Variants in EVC2 observed in about 807,000 individuals in gnomAD.
EVC2 encodes EvC ciliary complex subunit 2, also known as limbin.
In EVC2, 148 loss-of-function variants were observed where a neutral mutation model predicts 149.3. The ratio of observed to expected loss-of-function variants is 0.99; its 90% CI spans 0.87 to 1.14. The LOEUF is 1.14. Ranked by LOEUF, EVC2 falls within the 50% of genes most tolerant of loss-of-function variation. EVC2 has a pLI of 0.00. For synonymous variants in EVC2, 776 were observed against 649.9 expected (o/e 1.19, Z -2.95); for missense variants, 1,854 against 1,627.3 (o/e 1.14, Z -2.40).
intron 9 of EVC2, among the ~76,000 whole-genome samples, chr4:5,655,628 G>C (rs1718468940): frequency 6.6e-6 from 1 of 152,030 alleles, no homozygotes; most frequent in African/African-American, 2.4e-5. Flanking sequence ...GGTTTGATAT[G>C]GGAAATAGAC....
Position 5,556,132 on chromosome 4 carries a change from T to C in EVC2, c.3419+9126A>G, listed in dbSNP as rs370166258. Among the ~76,000 whole-genome samples the C allele has an allele frequency of 1.6e-4, 20 of 124,558 alleles. No homozygotes were observed. In the East Asian group the frequency reaches 4.4e-3, roughly 27 times the overall value. 81.7% of individuals were successfully genotyped at this position (124,558 alleles called of 152,430 possible). On this transcript the variant is annotated intron_variant and NMD_transcript_variant, in intron 21 of 22. Coordinates refer to the EVC2 transcript ENST00000475313. The stretch of plus-strand genomic sequence containing the variant: ...AGCCAGAGGTTGCAGTGAGCCAAGA[T>C]CGTGCCATTGCACTCTAACCCCAGG...
In EVC2 at chr4:5,685,494, G is replaced by C. The variant is rs1054044655; in HGVS notation, c.707-15C>G. The C allele has an allele frequency of 6.2e-7, 1 of 1,612,572 alleles. No individual in the cohort carries two copies. The highest frequency in any genetic ancestry group is 1.3e-5 in the African/African-American group (1 of 75,020). On this transcript the variant is annotated splice_polypyrimidine_tract_variant and intron_variant, in intron 5 of 21. Coordinates refer to ENST00000344408, the MANE Select transcript of EVC2 (RefSeq NM_147127.5). ...GGCATCTCCCACTGCGCAGAGAAAA[G>C]CACATGTGACTCAGGGAGGGCTTGG...
At position 5,618,291 on chromosome 4, in the gene EVC2, T is replaced by C. The variant is rs1298030002; in HGVS notation, c.2706+187A>G. ...GGCACAGCACCAGCAGTGTCCACTA[T>C]AGACTTTAAAGTTGGGACAGCCCTG... On this transcript the variant is annotated intron_variant, in intron 15 of 21. Transcript: ENST00000344408. This position sits in a 1 kb window ranked among gnomAD's most constrained non-coding sequence, Gnocchi z 4.4. 1.3e-5 allele frequency among the ~76,000 whole-genome samples: 2 copies of C among 152,114 alleles called. No homozygotes were observed. The highest frequency in any genetic ancestry group is 2.9e-5 in the Non-Finnish European group (2 of 68,004).
chr4:5,640,117 G>T lies in EVC2; in HGVS notation c.1470+397C>A, dbSNP rs1376235093. Among the ~76,000 whole-genome samples the T allele has an allele frequency of 6.6e-6, 1 of 152,064 alleles. No individual in the cohort carries two copies. Among genetic ancestry groups the T allele is most frequent in the Non-Finnish European group, 1.5e-5 (1 of 68,014 alleles). On this transcript the variant is annotated intron_variant, in intron 10 of 21. Transcript: ENST00000344408. This position sits in a 1 kb window ranked among gnomAD's most constrained non-coding sequence, Gnocchi z 4.6. Reference sequence around the variant, plus strand: ...GTGGATGGGTAGAAGGCTAGATGGGGAATAAGTGGATGGGTAAATTGTTGG... The same window carrying T: ...GTGGATGGGTAGAAGGCTAGATGGGTAATAAGTGGATGGGTAAATTGTTGG...
rs1305169770 is a variant in EVC2, at chr4:5,563,124, ATAGCAAAAGAT to A, written c.3660-20_3660-10del. 6.2e-7 allele frequency: 1 copy of A among 1,609,454 alleles called. No individual in the cohort carries two copies. The highest frequency in any genetic ancestry group is 1.1e-5 in the South Asian group (1 of 90,996). On this transcript the variant is annotated splice_polypyrimidine_tract_variant and intron_variant, in intron 21 of 21. Coordinates refer to ENST00000344408, the MANE Select transcript of EVC2 (RefSeq NM_147127.5). ...ATGTCTTCTTTAATATGCTAAAGAA[ATAGCAAAAGAT>A]CAAATTCAATATTTTTGGCAATGAA...
intron 9 of EVC2, among the ~76,000 whole-genome samples, chr4:5,643,785 G>A (rs1435478732): frequency 6.6e-6 from 1 of 152,142 alleles, no homozygotes; most frequent in African/African-American, 2.4e-5. Context: ...GCCAGGTGTG[G>A]TGGCAGGCGC....
At chr4:5,690,183 G>C (rs1250635528) in intron 4 of EVC2, among the ~76,000 whole-genome samples, 1 of 152,158 alleles carries the variant, frequency 6.6e-6, no homozygotes, top group African/African-American at 2.4e-5. Flanking sequence ...GTCACTAGAA[G>C]GATATACAAG....
At position 5,668,980 on chromosome 4, in the gene EVC2, A is replaced by G. The variant is rs113415144; in HGVS notation, c.871-3331T>C. Among the ~76,000 whole-genome samples the G allele has an allele frequency of 7.2e-3, 1,099 of 152,330 alleles. 14 individuals are homozygous for G. Among genetic ancestry groups the G allele is most frequent in the African/African-American group, 0.025 (1,043 of 41,580 alleles). On this transcript the variant is annotated intron_variant, in intron 7 of 21. Transcript: ENST00000344408. The stretch of plus-strand genomic sequence containing the variant: ...TAAATCCAATGATCGTGTCTTCATG[A>G]GGAGAGGGAGATTTGTAGACACACA...
chr4:5,689,447 G>A (rs1303317780), intron 4 of EVC2, 104 bp from the exon 5 acceptor site: 2 of 1,155,188 alleles, frequency 1.7e-6, no homozygotes, highest in Non-Finnish European at 1.3e-6. Context: ...CAGGAAGAAG[G>A]AGGGTAGCAC....
At position 5,567,252 on chromosome 4, in the gene EVC2, T is replaced by G. The variant is rs574268399; in HGVS notation, c.3557+1192A>C. Among the ~76,000 whole-genome samples the G allele has an allele frequency of 3.5e-4, 53 of 152,274 alleles. No individual in the cohort carries two copies. Among genetic ancestry groups the G allele is most frequent in the African/African-American group, 1.2e-3 (50 of 41,580 alleles). ...AGGAAGGCTCTTCGACACTGTGGCC[T>G]CCTGCCCACACCCGCAGATGTTCCC... On this transcript the variant is annotated intron_variant, in intron 20 of 21. Coordinates refer to ENST00000344408, the MANE Select transcript of EVC2 (RefSeq NM_147127.5). The surrounding 1 kb of genome is among the most constrained non-coding windows in gnomAD (Gnocchi z 4.4).
intron 16 of EVC2, among the ~76,000 whole-genome samples, chr4:5,602,129 A>C (rs1304287995): frequency 6.6e-6 from 1 of 151,878 alleles, no homozygotes; most frequent in Non-Finnish European, 1.5e-5. Context: ...TTTTAAAATA[A>C]AAAATTTTAA....
chr4:5,702,038 C>T lies in EVC2; in HGVS notation c.229-4391G>A, dbSNP rs74369168. Among the ~76,000 whole-genome samples, 1,470 of 152,186 alleles carry T rather than the reference C, an allele frequency of 9.7e-3. 30 individuals are homozygous for T. The highest frequency in any genetic ancestry group is 0.034 in the African/African-American group (1,417 of 41,504). On this transcript the variant is annotated intron_variant, in intron 1 of 21. Transcript: ENST00000344408. ...CTGCCATCTATTCTCACCCCTGCCA[C>T]GGGGGTGCCTGGAAAGGAAACATGA...
rs369076839 is a variant in EVC2, at chr4:5,631,920, T to C, written c.1583A>G (p.Gln528Arg). 9.5e-5 allele frequency: 153 copies of C among 1,614,232 alleles called. 1 individual carries two copies. Among genetic ancestry groups the C allele is most frequent in the South Asian group, 7.8e-4 (71 of 91,092 alleles). Residue 528 changes from glutamine to arginine, a missense_variant, in exon 11 of 22, where the codon CAG becomes CGG. Gln to Arg is a conservative substitution (Grantham distance 43, BLOSUM62 1). Transcript: ENST00000344408. ...TTCATTTCTCTGGAAAACAGCCAGCTGTCTGTGAGCTTTGGCAAAGTCTTC... is the reference window on the plus strand; with the variant it reads ...TTCATTTCTCTGGAAAACAGCCAGCCGTCTGTGAGCTTTGGCAAAGTCTTC... ...QEEDFAKAHR[Q>R]LAVFQRNELH...
rs1716565893 is a variant in EVC2, at chr4:5,631,900, T to A, written c.1603A>T (p.Asn535Tyr). The A allele has an allele frequency of 1.2e-6, 2 of 1,614,216 alleles. No individual in the cohort carries two copies. The highest frequency in any genetic ancestry group is 1.7e-6 in the Non-Finnish European group (2 of 1,180,010). The change falls in exon 11 of 22, where the codon AAT (asparagine) becomes TAT (tyrosine). Residue 535 changes from asparagine (N) to tyrosine (Y), a missense_variant. Transcript: ENST00000344408. ...AHRQLAVFQR[N>Y]ELHSIFFTQI... ...GTAAAAAAGATACTGTGCAGTTCAT[T>A]TCTCTGGAAAACAGCCAGCTGTCTG...
intron 20 of EVC2, among the ~76,000 whole-genome samples, chr4:5,565,652 G>A (rs1420126714): frequency 1.4e-5 from 2 of 146,032 alleles, no homozygotes; most frequent in Non-Finnish European, 3.0e-5. Flanking sequence ...CAGCCTGGGC[G>A]ACAGAGTGAG....
intron 14 of EVC2, among the ~76,000 whole-genome samples, chr4:5,621,196 G>A (rs1715664161): frequency 6.6e-6 from 1 of 152,164 alleles, no homozygotes; most frequent in African/African-American, 2.4e-5. Context: ...GAAAGGAAAG[G>A]ACATTAAATC....
At chr4:5,593,029 C>T (rs1712972251) in intron 16 of EVC2, among the ~76,000 whole-genome samples, 1 of 152,142 alleles carries the variant, frequency 6.6e-6, no homozygotes, top group African/African-American at 2.4e-5. Context: ...ATTTTTCTCC[C>T]TCTTTGCTCT....
intron 1 of EVC2, 195 bp downstream of exon 1, chr4:5,708,091 G>A (rs578192260): frequency 2.2e-5 from 10 of 461,630 alleles, no homozygotes; most frequent in Middle Eastern, 4.1e-4. Context: ...CACACCCCGA[G>A]GAAGGTCTCC....
At chr4:5,661,719 G>C (rs544913606) in intron 9 of EVC2, among the ~76,000 whole-genome samples, 1 of 152,334 alleles carries the variant, frequency 6.6e-6, no homozygotes, top group Admixed American at 6.5e-5. Flanking sequence ...TTATCTATTA[G>C]ACTGTGACCC....
Sources: gnomAD v4.1 joint callset for allele counts (sites outside exome capture counted in the v4.1 genomes callset) on GRCh38, gnomAD v4.1.1 for gene constraint, Gnocchi (gnomAD v3.1) non-coding constraint, MANE v1.5 for transcripts, NCBI Gene and HGNC (gene_info 2026-07-23, HGNC 2026-07-21) for gene names.